Variants in GRM8 observed in about 807,000 individuals in gnomAD.
The protein encoded by GRM8 is glutamate metabotropic receptor 8.
Under a neutral mutation model 87.2 loss-of-function variants are expected in GRM8, and 47 were observed. The observed-to-expected ratio is 0.54, with a 90% CI of 0.43 to 0.69. The LOEUF (loss-of-function observed/expected upper bound fraction) is 0.69, where lower values mean the gene tolerates loss of function less well. GRM8 is among the 30% of genes least tolerant of loss of function. The probability of loss-of-function intolerance (pLI) is 0.00; values close to 1 mark genes in which losing one functional copy is unlikely to be tolerated. For synonymous variants in GRM8, 396 were observed against 404.5 expected, an observed-to-expected ratio of 0.98 and a Z score of 0.25; for missense variants, 1,019 against 1,139.2, an observed-to-expected ratio of 0.89 and a Z score of 1.52.
chr7:127,059,799 C>T (rs746406899), intron 3 of GRM8, among the ~76,000 whole-genome samples: 4 of 152,168 alleles, frequency 2.6e-5, no homozygotes, highest in Non-Finnish European at 4.4e-5. Context: ...TGTTCCTTCT[C>T]TCTTTGTAAC....
rs191964604 is a variant in GRM8, at chr7:126,878,619, A to C, written c.1156+23923T>G. On this transcript the variant is annotated intron_variant, in intron 6 of 10. Transcript: ENST00000339582. ...ACTGCAACCTCCACTTCCCGGGTTC[A>C]AGCGATTCTCCAGCCTCAGCCTCCC... Among the ~76,000 whole-genome samples the C allele has an allele frequency of 6.7e-3, 1,001 of 150,136 alleles. 6 individuals are homozygous for C. The highest frequency in any genetic ancestry group is 0.021 in the Middle Eastern group (6 of 284).
At chr7:126,771,371 G>C (rs1315643202) in intron 6 of GRM8, among the ~76,000 whole-genome samples, 1 of 151,336 alleles carries the variant, frequency 6.6e-6, no homozygotes, top group East Asian at 1.9e-4. Context: ...GATGCTCTTG[G>C]TTGGTATTCT....
chr7:126,739,610 G>A (rs1258772307), intron 7 of GRM8, among the ~76,000 whole-genome samples: 2 of 151,890 alleles, frequency 1.3e-5, no homozygotes, highest in African/African-American at 4.8e-5. Context: ...TTTTCCTAAT[G>A]CAATCTTCTC....
chr7:126,964,394 A>AC (rs1809628840), intron 3 of GRM8, among the ~76,000 whole-genome samples: 1 of 152,212 alleles, frequency 6.6e-6, no homozygotes, highest in Admixed American at 6.5e-5. Flanking sequence ...ATGGGAAAAA[A>AC]TTTTTGCAAT....
At chr7:126,876,151 G>C (rs905731408) in intron 6 of GRM8, among the ~76,000 whole-genome samples, 1 of 152,110 alleles carries the variant, frequency 6.6e-6, no homozygotes, top group Non-Finnish European at 1.5e-5. Flanking sequence ...TTTTGCAACA[G>C]CTGCCAAGCC....
chr7:126,517,461 G>A (rs1031401224), intron 9 of GRM8, among the ~76,000 whole-genome samples: 1 of 151,994 alleles, frequency 6.6e-6, no homozygotes, highest in South Asian at 2.1e-4. Context: ...ACGTCACTTA[G>A]TACATGCCCA....
At chr7:126,931,902 C>A (rs576187066) in intron 3 of GRM8, among the ~76,000 whole-genome samples, 1 of 152,318 alleles carries the variant, frequency 6.6e-6, no homozygotes, top group African/African-American at 2.4e-5. Context: ...GAGCATCACA[C>A]AGCACTTAGC....
chr7:127,236,566 C>G (rs1006488719), intron 2 of GRM8, among the ~76,000 whole-genome samples: 1 of 152,158 alleles, frequency 6.6e-6, no homozygotes, highest in Non-Finnish European at 1.5e-5. Flanking sequence ...ATCACGAGAA[C>G]AGCATGGAGA....
intron 3 of GRM8, among the ~76,000 whole-genome samples, chr7:126,914,465 C>G (rs1461769742): frequency 6.6e-6 from 1 of 152,168 alleles, no homozygotes; most frequent in Admixed American, 6.5e-5. Context: ...AACACACATG[C>G]ACCTATATGT....
chr7:127,075,341 C>A (rs1198288998), intron 3 of GRM8, among the ~76,000 whole-genome samples: 2 of 152,126 alleles, frequency 1.3e-5, no homozygotes, highest in African/African-American at 4.8e-5. Context: ...AATTACTTAG[C>A]TAATGGACCA....
intron 6 of GRM8, among the ~76,000 whole-genome samples, chr7:126,810,179 C>G (rs1327137645): frequency 2.0e-5 from 3 of 152,178 alleles, no homozygotes; most frequent in Non-Finnish European, 4.4e-5. Flanking sequence ...GAGTGCCAAA[C>G]TTTTCTGGGA....
chr7:126,607,325 A>C (rs1260250278), intron 8 of GRM8, among the ~76,000 whole-genome samples: 5 of 152,218 alleles, frequency 3.3e-5, no homozygotes, highest in Admixed American at 6.5e-5. Flanking sequence ...GCATAGCTGC[A>C]ATAATTATGA....
At chr7:126,895,907 C>G (rs917164486) in intron 6 of GRM8, among the ~76,000 whole-genome samples, 13 of 148,800 alleles carry the variant, frequency 8.7e-5, no homozygotes, top group African/African-American at 3.2e-4. Context: ...GATTAAAATT[C>G]CAAAATGTAT....
intron 3 of GRM8, among the ~76,000 whole-genome samples, chr7:127,058,905 G>C (rs370386990): frequency 7.2e-5 from 11 of 152,350 alleles, no homozygotes; most frequent in African/African-American, 2.6e-4. Context: ...GGTTTGTGCA[G>C]ACTGTCAGTG....
chr7:126,655,967 T>C (rs1009550073), intron 7 of GRM8, among the ~76,000 whole-genome samples: 1 of 152,198 alleles, frequency 6.6e-6, no homozygotes, highest in African/African-American at 2.4e-5. Context: ...ATAGATATTC[T>C]ACTCAACCCT....
At chr7:126,974,923 G>A (rs898282306) in intron 3 of GRM8, among the ~76,000 whole-genome samples, 21 of 109,640 alleles carry the variant, frequency 1.9e-4, no homozygotes, top group Non-Finnish European at 1.8e-4. Context: ...GTGACAGAGC[G>A]AGACTCTTGT....
intron 2 of GRM8, among the ~76,000 whole-genome samples, chr7:127,154,945 T>C (rs1204862694): frequency 6.6e-6 from 1 of 152,178 alleles, no homozygotes; most frequent in African/African-American, 2.4e-5. Context: ...GAAATAAGAC[T>C]GTTCATTCTC....
intron 6 of GRM8, among the ~76,000 whole-genome samples, chr7:126,900,931 T>G (rs1389373057): frequency 6.6e-6 from 1 of 152,156 alleles, no homozygotes; most frequent in Non-Finnish European, 1.5e-5. Flanking sequence ...CAGGCAAATC[T>G]TCTTGAACCG....
chr7:126,626,101 A>AGTGTGTGTGTGTGTGTGTGT (rs71312854), intron 7 of GRM8, among the ~76,000 whole-genome samples: 21 of 148,838 alleles, frequency 1.4e-4, no homozygotes, highest in Admixed American at 4.0e-4. Context: ...ATATGAGAGA[A>AGTGTGTGTGTGTGTGTGTGT]GTGTGTGTGT....
Sources: gnomAD v4.1 joint callset for allele counts (sites outside exome capture counted in the v4.1 genomes callset) on GRCh38, gnomAD v4.1.1 for gene constraint, MANE v1.5 for transcripts, NCBI Gene and HGNC (gene_info 2026-07-23, HGNC 2026-07-21) for gene names.